CADM2: variants seen among roughly 807,000 people sequenced by gnomAD.
CADM2 encodes cell adhesion molecule 2.
Under a neutral mutation model 49.8 loss-of-function variants are expected in CADM2, and 12 were observed. That is an observed-to-expected ratio of 0.24 (90% confidence interval 0.15 to 0.39). The LOEUF (loss-of-function observed/expected upper bound fraction) is 0.39. Among genes scored for constraint, CADM2 ranks in the 10% least tolerant of loss-of-function variants. The pLI is 1.00. For synonymous variants in CADM2, 214 were observed against 175.4 expected (o/e 1.22, Z -1.74); for missense variants, 378 against 492.3 (o/e 0.77, Z 2.20).
At chr3:85,947,283 C>T (rs901507680) in intron 7 of CADM2, among the ~76,000 whole-genome samples, 1 of 151,522 alleles carries the variant, frequency 6.6e-6, no homozygotes, top group Non-Finnish European at 1.5e-5. Context: ...ACTAAAATAA[C>T]TAGTGGGATA....
At chr3:85,253,093 G>T (rs2042810827) in intron 1 of CADM2, among the ~76,000 whole-genome samples, 1 of 152,000 alleles carries the variant, frequency 6.6e-6, no homozygotes, top group South Asian at 2.1e-4. Context: ...TGTAAGTAAT[G>T]TCAGTCTAAA....
At chr3:86,009,692 A>T (rs1256477895) in intron 8 of CADM2, among the ~76,000 whole-genome samples, 1 of 151,724 alleles carries the variant, frequency 6.6e-6, no homozygotes, top group Non-Finnish European at 1.5e-5. Flanking sequence ...AAAAATTATT[A>T]TTTTTTTATG....
At chr3:85,961,685 G>A (rs756047780) in intron 8 of CADM2, 38 bp downstream of exon 8, 13 of 1,419,668 alleles carry the variant, frequency 9.2e-6, no homozygotes, top group Non-Finnish European at 9.5e-6. Context: ...GTGAAAGGAT[G>A]CATAACTTGA....
At chr3:86,056,602 G>GGAAGCTGC (rs1738021105) in intron 8 of CADM2, among the ~76,000 whole-genome samples, 1 of 152,170 alleles carries the variant, frequency 6.6e-6, no homozygotes, top group South Asian at 2.1e-4. Flanking sequence ...TTCCCAGGAG[G>GGAAGCTGC]GAAGCTGCAG....
intron 1 of CADM2, among the ~76,000 whole-genome samples, chr3:85,559,596 G>T (rs1195404905): frequency 2.0e-5 from 3 of 150,754 alleles, no homozygotes; most frequent in Non-Finnish European, 3.0e-5. Flanking sequence ...CTTTAAAAAA[G>T]AAACACATAT....
intron 1 of CADM2, among the ~76,000 whole-genome samples, chr3:85,592,526 A>G (rs750987721): frequency 2.2e-4 from 34 of 152,002 alleles, no homozygotes; most frequent in Admixed American, 4.6e-4. Context: ...ATCATAGGTT[A>G]GAGGATGGAA....
At chr3:85,192,130 A>G (rs1559712462) in intron 1 of CADM2, among the ~76,000 whole-genome samples, 3 of 152,118 alleles carry the variant, frequency 2.0e-5, no homozygotes, top group African/African-American at 7.2e-5. Context: ...AATTGTCTAG[A>G]AAGAAGCATA....
intron 1 of CADM2, among the ~76,000 whole-genome samples, chr3:84,996,308 T>C (rs1025453518): frequency 1.4e-4 from 22 of 152,148 alleles, no homozygotes; most frequent in Non-Finnish European, 3.2e-4. Context: ...GTTTAAATTA[T>C]GGTTATGAAG....
chr3:85,050,720 AT>A (rs1304772343), intron 1 of CADM2, among the ~76,000 whole-genome samples: 2 of 152,176 alleles, frequency 1.3e-5, no homozygotes, highest in African/African-American at 4.8e-5. Flanking sequence ...CACAAGCGAT[AT>A]CTGCACCTAA....
chr3:85,818,011 A>G (rs1248904016), intron 3 of CADM2, among the ~76,000 whole-genome samples: 1 of 152,154 alleles, frequency 6.6e-6, no homozygotes, highest in African/African-American at 2.4e-5. Context: ...GGTCTTAAGC[A>G]GTTTCTATCT....
intron 1 of CADM2, among the ~76,000 whole-genome samples, chr3:85,328,858 A>G (rs1386659950): frequency 8.6e-5 from 13 of 151,584 alleles, no homozygotes; most frequent in Admixed American, 7.2e-4. Flanking sequence ...ATAATTTTAT[A>G]TAAACATAAC....
intron 2 of CADM2, among the ~76,000 whole-genome samples, chr3:85,733,871 T>C (rs2068028993): frequency 6.6e-6 from 1 of 152,160 alleles, no homozygotes; most frequent in Non-Finnish European, 1.5e-5. Context: ...GCTAATAAAA[T>C]TGGTATTTGC....
At chr3:85,563,073 T>A (rs60365981) in intron 1 of CADM2, among the ~76,000 whole-genome samples, 6,486 of 152,162 alleles carry the variant, frequency 0.043, 459 homozygotes, top group African/African-American at 0.15. Flanking sequence ...GGAAATAAAA[T>A]TCCCTTAATT....
At chr3:84,978,948 A>G (rs907648290) in intron 1 of CADM2, among the ~76,000 whole-genome samples, 3 of 152,124 alleles carry the variant, frequency 2.0e-5, no homozygotes, top group Non-Finnish European at 2.9e-5. Context: ...TGGAAAGTAC[A>G]AAAGATAGGG....
chr3:84,991,712 A>C (rs1168242221), intron 1 of CADM2, among the ~76,000 whole-genome samples: 1 of 152,196 alleles, frequency 6.6e-6, no homozygotes, highest in South Asian at 2.1e-4. Context: ...TGTTTATAGC[A>C]GTTTTACTCA....
intron 2 of CADM2, among the ~76,000 whole-genome samples, chr3:85,794,865 A>T (rs1350958702): frequency 6.6e-6 from 1 of 152,118 alleles, no homozygotes; most frequent in African/African-American, 2.4e-5. Flanking sequence ...TCAGATGTTG[A>T]TTCATACAAA....
At chr3:86,055,349 T>C (rs1199519815) in intron 8 of CADM2, among the ~76,000 whole-genome samples, 3 of 151,952 alleles carry the variant, frequency 2.0e-5, no homozygotes, top group Admixed American at 2.0e-4. Context: ...GCAGATTCAA[T>C]GTTTGGTGAG....
chr3:85,980,690 A>G (rs918263834), intron 8 of CADM2, among the ~76,000 whole-genome samples: 2 of 151,602 alleles, frequency 1.3e-5, no homozygotes, highest in Admixed American at 6.6e-5. Context: ...AAAGTTATCT[A>G]AAGTTCTACT....
chr3:85,715,463 G>A (rs953732367), intron 1 of CADM2, among the ~76,000 whole-genome samples: 2 of 152,122 alleles, frequency 1.3e-5, no homozygotes, highest in Non-Finnish European at 2.9e-5. Context: ...ATTAAAAAAT[G>A]TGATGAATCT....
Sources: gnomAD v4.1 joint callset for allele counts (sites outside exome capture counted in the v4.1 genomes callset) on GRCh38, gnomAD v4.1.1 for gene constraint, MANE v1.5 for transcripts, NCBI Gene and HGNC (gene_info 2026-07-23, HGNC 2026-07-21) for gene names.